The following SSPN variants were observed in gnomAD, a reference collection of about 807,000 sequenced individuals.
SSPN encodes sarcospan.
SSPN carries 15 observed loss-of-function variants against 19.1 expected under a neutral mutation model. The ratio of observed to expected loss-of-function variants is 0.78; its 90% CI spans 0.52 to 1.21. SSPN has a LOEUF of 1.21. Among genes scored for constraint, SSPN ranks in the 50% most tolerant of loss-of-function variants. The pLI is 0.00. For missense variants in SSPN, 291 were observed against 314.0 expected, an observed-to-expected ratio of 0.93 and a Z score of 0.55; for synonymous variants, 147 against 140.3, an observed-to-expected ratio of 1.05 and a Z score of -0.34.
At chr12:26,166,448 A>T (rs1944621791) in intron 1 of SSPN, among the ~76,000 whole-genome samples, 2 of 152,200 alleles carry the variant, frequency 1.3e-5, no homozygotes, top group South Asian at 4.1e-4. Flanking sequence ...CCAGCTAAAA[A>T]ACTGGCTGAT....
Position 26,189,224 on chromosome 12 carries a change from A to G in SSPN, c.-30-35069A>G, listed in dbSNP as rs370005692. Among the ~76,000 whole-genome samples, 18 of 152,326 alleles carry G rather than the reference A, an allele frequency of 1.2e-4. No individual in the cohort carries two copies. In the East Asian group the frequency reaches 2.7e-3, roughly 23 times the overall value. On this transcript the variant is annotated intron_variant, in intron 1 of 2. Coordinates refer to the SSPN transcript ENST00000538142. Reference sequence around the variant, plus strand: ...GAAAATATGTTTTTGCCTATTTTAAAGGAATTGTTCAGAAAATGTTTTATT... The same window carrying G: ...GAAAATATGTTTTTGCCTATTTTAAGGGAATTGTTCAGAAAATGTTTTATT...
At chr12:26,181,580 T>C (rs956717678) in intron 1 of SSPN, among the ~76,000 whole-genome samples, 1 of 152,240 alleles carries the variant, frequency 6.6e-6, no homozygotes, top group African/African-American at 2.4e-5. Context: ...CTGTAGGCAA[T>C]GTTATCTAAA....
rs1565697905 is a variant in SSPN, at chr12:26,233,349, T to TATATATATATATATATATATATATATAC, written c.*2274_*2275insTATATATATATATATATATATATATACA. ...GTCAGGAGATATATATATATATATA[T>TATATATATATATATATATATATATATAC]ACACATACACACACACACACACATA... On this transcript the variant is annotated 3_prime_UTR_variant, in exon 3 of 3. Coordinates refer to ENST00000242729, the MANE Select transcript of SSPN (RefSeq NM_005086.5). The surrounding 1 kb of genome is among the most constrained non-coding windows in gnomAD (Gnocchi z 4.3). The TATATATATATATATATATATATATATAC allele has an allele frequency of 2.3e-5, 3 of 132,604 alleles. No homozygotes were observed. Among genetic ancestry groups the TATATATATATATATATATATATATATAC allele is most frequent in the African/African-American group, 8.8e-5 (3 of 34,238 alleles). 8.2% of individuals were successfully genotyped at this position (132,604 alleles called of 1,614,324 possible).
intron 2 of SSPN, among the ~76,000 whole-genome samples, chr12:26,226,464 G>A (rs11835882): frequency 0.026 from 3,897 of 152,148 alleles, 171 homozygotes; most frequent in African/African-American, 0.09. Context: ...GCACACACAC[G>A]CACCCTCCCT....
chr12:26,126,823 A>G (rs1198798097), intron 1 of SSPN, among the ~76,000 whole-genome samples: 3 of 152,154 alleles, frequency 2.0e-5, no homozygotes, highest in Non-Finnish European at 4.4e-5. Flanking sequence ...GACTTCCTCA[A>G]ATAGAGGAAC....
chr12:26,176,154 A>T (rs1158226345), intron 1 of SSPN, among the ~76,000 whole-genome samples: 1 of 152,144 alleles, frequency 6.6e-6, no homozygotes, highest in African/African-American at 2.4e-5. Context: ...AGTTTCTTAA[A>T]TTGCAAAAAA....
At chr12:26,213,897 T>C (rs748889) in intron 1 of SSPN, among the ~76,000 whole-genome samples, 76,079 of 151,898 alleles carry the variant, frequency 0.5, 19,635 homozygotes, top group East Asian at 0.81. Context: ...CCCATCAAGG[T>C]AGGGATTTTT....
intron 2 of SSPN, among the ~76,000 whole-genome samples, chr12:26,227,532 A>G (rs1161855378): frequency 6.6e-6 from 1 of 152,212 alleles, no homozygotes; most frequent in African/African-American, 2.4e-5. Flanking sequence ...TCCTTCCTAC[A>G]AGCCAAGAAT....
intron 1 of SSPN, among the ~76,000 whole-genome samples, chr12:26,133,222 G>A (rs1481417808): frequency 1.3e-5 from 2 of 152,174 alleles, no homozygotes; most frequent in Non-Finnish European, 2.9e-5. Flanking sequence ...TCACTTTCAG[G>A]TGCAGGGACT....
At position 26,142,575 on chromosome 12, in the gene SSPN, G is replaced by A. The variant is rs546955173; in HGVS notation, c.-31+20423G>A. On this transcript the variant is annotated intron_variant, in intron 1 of 2. Transcript: ENST00000538142. ...GATTTCACTGTGACAAGTTTGTGAC[G>A]TACCATGGGTGGAAGAGGCATCTCA... is the stretch of plus-strand genomic sequence containing the variant. 9.2e-5 allele frequency among the ~76,000 whole-genome samples: 14 copies of A among 152,310 alleles called. No individual in the cohort carries two copies. In the South Asian group the frequency reaches 1.7e-3, roughly 18 times the overall value.
At chr12:26,200,124 A>T (rs1195119424) in intron 1 of SSPN, among the ~76,000 whole-genome samples, 1 of 152,146 alleles carries the variant, frequency 6.6e-6, no homozygotes, top group Non-Finnish European at 1.5e-5. Context: ...TCTTTGCCTT[A>T]TTATGCTTTT....
intron 1 of SSPN, among the ~76,000 whole-genome samples, chr12:26,128,706 T>C (rs899160701): frequency 1.3e-5 from 2 of 152,210 alleles, no homozygotes; most frequent in African/African-American, 2.4e-5. Context: ...GCCAAGAAGA[T>C]ACAAGATGAG....
chr12:26,227,678 C>T (rs1246373660), intron 2 of SSPN, among the ~76,000 whole-genome samples: 1 of 152,192 alleles, frequency 6.6e-6, no homozygotes, highest in Admixed American at 6.5e-5. Context: ...TCCTGTATAC[C>T]AGACGCTGTT....
intron 1 of SSPN, among the ~76,000 whole-genome samples, chr12:26,209,980 G>A (rs1944967977): frequency 6.6e-6 from 1 of 152,076 alleles, no homozygotes; most frequent in African/African-American, 2.4e-5. Context: ...TTCCAGATGG[G>A]TTTGTCTTGC....
intron 1 of SSPN, among the ~76,000 whole-genome samples, chr12:26,197,919 T>C (rs1944844233): frequency 6.6e-6 from 1 of 152,196 alleles, no homozygotes; most frequent in Admixed American, 6.5e-5. Flanking sequence ...GGAGGGTCTC[T>C]GAGGAGCCAG....
chr12:26,182,581 C>CCCCTTCCCTTCCCTTCCCTT (rs67332101), intron 1 of SSPN, among the ~76,000 whole-genome samples: 131 of 100,456 alleles, frequency 1.3e-3, no homozygotes, highest in South Asian at 2.7e-3. Context: ...CCTTCCCCTT[C>CCCCTTCCCTTCCCTTCCCTT]CCCTTCCCTT....
In SSPN at chr12:26,220,247, C is replaced by CAAAA. The variant is rs58022147; in HGVS notation, c.280-4029_280-4026dup. Among the ~76,000 whole-genome samples the CAAAA allele has an allele frequency of 1.4e-3, 164 of 114,374 alleles. 4 individuals carry two copies. Among genetic ancestry groups the CAAAA allele is most frequent in the African/African-American group, 4.0e-3 (109 of 27,194 alleles). 75.0% of individuals were successfully genotyped at this position (114,374 alleles called of 152,430 possible). The stretch of plus-strand genomic sequence containing the variant: ...TTGTTACAACATGCAAAGCTGTAGG[C>CAAAA]AAAAAAAAAAAAAAAAAAAATGACA... On this transcript the variant is annotated intron_variant, in intron 1 of 2. Coordinates refer to ENST00000242729, the MANE Select transcript of SSPN (RefSeq NM_005086.5).
rs945252565 is a variant in SSPN at position 26,231,864 on chromosome 12, C to G, written c.*788C>G. 3 of 845,452 alleles carry G rather than the reference C, an allele frequency of 3.5e-6. No individual in the cohort carries two copies. Among genetic ancestry groups the G allele is most frequent in the Non-Finnish European group, 4.3e-6 (3 of 702,426 alleles). 52.4% of individuals were successfully genotyped at this position (845,452 alleles called of 1,614,324 possible). ...ACAAATCATTAAAACTAATTTCTAG[C>G]TAATTGTTAATTATAATTATGCTCA... On this transcript the variant is annotated 3_prime_UTR_variant, in exon 3 of 3. Coordinates refer to ENST00000242729, the MANE Select transcript of SSPN (RefSeq NM_005086.5).
At chr12:26,127,564 C>A (rs1249627670) in intron 1 of SSPN, among the ~76,000 whole-genome samples, 1 of 151,970 alleles carries the variant, frequency 6.6e-6, no homozygotes, top group African/African-American at 2.4e-5. Flanking sequence ...GTTCTTGATC[C>A]CCTTTTCCTC....
Sources: allele counts gnomAD v4.1 joint callset (sites outside exome capture counted in the v4.1 genomes callset), GRCh38; gene constraint gnomAD v4.1.1; non-coding constraint Gnocchi (gnomAD v3.1); transcripts MANE v1.5; gene names NCBI Gene and HGNC (gene_info 2026-07-23, HGNC 2026-07-21).